The following FTCDNL1 variants were observed in gnomAD, a reference collection of about 807,000 sequenced individuals.
FTCDNL1 encodes the protein formiminotransferase cyclodeaminase N-terminal like.
Under a neutral mutation model 5.9 loss-of-function variants are expected in FTCDNL1, and 11 were observed. That is an observed-to-expected ratio of 1.87 (90% CI 1.18 to 3.10). FTCDNL1 has a LOEUF of 3.10. Among genes scored for constraint, FTCDNL1 ranks in the 30% most tolerant of loss-of-function variants. FTCDNL1 has a pLI of 0.00. For missense variants in FTCDNL1, 115 were observed against 65.5 expected (o/e 1.76, Z -2.61); for synonymous variants, 58 against 24.8 (o/e 2.34, Z -3.99).
At chr2:199,760,474 A>C (rs1698219627), downstream of FTCDNL1, 1 of 237,612 alleles carries the variant, frequency 4.2e-6, no homozygotes, top group Non-Finnish European at 8.3e-6. Context: ...AAACCAAACA[A>C]ACACAAATGC....
the FTCDNL1 span, among the ~76,000 whole-genome samples, chr2:199,716,354 C>G: frequency 6.6e-6 from 1 of 152,254 alleles, no homozygotes; most frequent in Admixed American, 6.5e-5. Flanking sequence ...AAGCTTTAGA[C>G]ATTACAATTT....
At chr2:199,706,401 C>T in the FTCDNL1 span, among the ~76,000 whole-genome samples, 2 of 152,148 alleles carry the variant, frequency 1.3e-5, no homozygotes, top group African/African-American at 4.8e-5. Flanking sequence ...CATGCATAAC[C>T]TCTATCTCTG....
At chr2:199,693,586 TAA>T in the FTCDNL1 span, among the ~76,000 whole-genome samples, 4 of 152,174 alleles carry the variant, frequency 2.6e-5, no homozygotes, top group African/African-American at 9.7e-5. Flanking sequence ...TTATAGGTAA[TAA>T]AAACATTACA....
At chr2:199,752,736 CTCTCTGTGTG>C in the FTCDNL1 span, among the ~76,000 whole-genome samples, 7 of 25,664 alleles carry the variant, frequency 2.7e-4, no homozygotes, top group African/African-American at 3.9e-4. Flanking sequence ...CTATCTCTCT[CTCTCTGTGTG>C]TGTGTGTGTG....
chr2:199,783,438 C>G (rs1268668055), intron 3 of FTCDNL1, among the ~76,000 whole-genome samples: 1 of 152,150 alleles, frequency 6.6e-6, no homozygotes, highest in African/African-American at 2.4e-5. Context: ...TTGATCCACC[C>G]TTCAATTATT....
chr2:199,676,512 C>A, the FTCDNL1 span, among the ~76,000 whole-genome samples: 4 of 151,726 alleles, frequency 2.6e-5, no homozygotes, highest in Non-Finnish European at 4.4e-5. Context: ...ACAGTTTAAT[C>A]CCCCAGTATA....
the FTCDNL1 span, among the ~76,000 whole-genome samples, chr2:199,674,876 G>C: frequency 6.6e-6 from 1 of 152,144 alleles, no homozygotes; most frequent in African/African-American, 2.4e-5. Flanking sequence ...ACAAAATTCA[G>C]AAAAATAATC....
At chr2:199,756,068 G>A (rs1359511412), downstream of FTCDNL1, among the ~76,000 whole-genome samples, 4 of 152,128 alleles carry the variant, frequency 2.6e-5, no homozygotes, top group Non-Finnish European at 5.9e-5. Flanking sequence ...TGGGTATGTT[G>A]GAACAGTGAC....
the FTCDNL1 span, among the ~76,000 whole-genome samples, chr2:199,665,050 GA>G: frequency 1.3e-5 from 2 of 152,168 alleles, no homozygotes; most frequent in Admixed American, 6.5e-5. Flanking sequence ...GATGCTACAG[GA>G]AAACACGCTG....
At chr2:199,830,165 T>C (rs908473678) in intron 3 of FTCDNL1, among the ~76,000 whole-genome samples, 2 of 152,210 alleles carry the variant, frequency 1.3e-5, no homozygotes, top group Non-Finnish European at 2.9e-5. Context: ...GTTGATTTCT[T>C]ACTTTCATAT....
chr2:199,734,024 A>G, the FTCDNL1 span, among the ~76,000 whole-genome samples: 2 of 152,122 alleles, frequency 1.3e-5, no homozygotes, highest in African/African-American at 4.8e-5. Context: ...AAAGATTATA[A>G]AGTTCTGTTA....
At chr2:199,707,060 A>G in the FTCDNL1 span, among the ~76,000 whole-genome samples, 1 of 152,334 alleles carries the variant, frequency 6.6e-6, no homozygotes, top group Admixed American at 6.5e-5. Flanking sequence ...ACTGCTGGGC[A>G]TGTCAGACGT....
At chr2:199,703,612 G>A in the FTCDNL1 span, among the ~76,000 whole-genome samples, 1 of 152,086 alleles carries the variant, frequency 6.6e-6, no homozygotes, top group Non-Finnish European at 1.5e-5. Flanking sequence ...CTGCATTAGA[G>A]GGTTTGAGCA....
At chr2:199,715,295 A>G in the FTCDNL1 span, among the ~76,000 whole-genome samples, 1 of 152,022 alleles carries the variant, frequency 6.6e-6, no homozygotes, top group Non-Finnish European at 1.5e-5. Flanking sequence ...CCCCACCCAA[A>G]TCTCATCTTG....
the FTCDNL1 span, among the ~76,000 whole-genome samples, chr2:199,703,709 C>G: frequency 6.6e-6 from 1 of 152,180 alleles, no homozygotes; most frequent in Non-Finnish European, 1.5e-5. Flanking sequence ...ACCTCTGCAA[C>G]TGGCAACTTA....
chr2:199,806,921 C>T (rs1373024005), downstream of FTCDNL1, among the ~76,000 whole-genome samples: 1 of 152,176 alleles, frequency 6.6e-6, no homozygotes, highest in Non-Finnish European at 1.5e-5. Flanking sequence ...CAATTTTGGC[C>T]TCTTCACAGT....
intron 4 of FTCDNL1, among the ~76,000 whole-genome samples, chr2:199,815,712 C>T (rs905077998): frequency 1.3e-5 from 2 of 152,110 alleles, no homozygotes; most frequent in East Asian, 1.9e-4. Context: ...AAAATGAAAG[C>T]GATTTATGGC....
the FTCDNL1 span, among the ~76,000 whole-genome samples, chr2:199,697,877 A>C: frequency 2.6e-4 from 40 of 152,334 alleles, no homozygotes; most frequent in African/African-American, 8.7e-4. Context: ...TGCTGTCTTC[A>C]TTAGGTTAAT....
intron 3 of FTCDNL1, among the ~76,000 whole-genome samples, chr2:199,843,103 A>T (rs187785619): frequency 6.6e-6 from 1 of 152,332 alleles, no homozygotes; most frequent in Admixed American, 6.5e-5. Context: ...ATTACATTTC[A>T]AATCAAATGT....
Sources: gnomAD v4.1 joint callset for allele counts (sites outside exome capture counted in the v4.1 genomes callset) on GRCh38, gnomAD v4.1.1 for gene constraint, MANE v1.5 for transcripts, NCBI Gene and HGNC (gene_info 2026-07-23, HGNC 2026-07-21) for gene names.